The following KAT6A variants were observed in gnomAD, a reference collection of about 807,000 sequenced individuals.
KAT6A encodes the protein histone acetyltransferase KAT6A.
KAT6A carries 9 observed loss-of-function variants against 198.4 expected under a neutral mutation model. The ratio of observed to expected loss-of-function variants is 0.05; its 90% CI spans 0.03 to 0.08. The LOEUF is 0.08. Among genes scored for constraint, KAT6A ranks in the 10% least tolerant of loss-of-function variants. The pLI is 1.00. For synonymous variants in KAT6A, 890 were observed against 883.0 expected (o/e 1.01, Z -0.14); for missense variants, 2,077 against 2,509.9 (o/e 0.83, Z 3.69).
At chr8:42,042,924 G>A (rs1326023972) in intron 2 of KAT6A, among the ~76,000 whole-genome samples, 3 of 152,094 alleles carry the variant, frequency 2.0e-5, no homozygotes, top group East Asian at 1.9e-4. Context: ...ATTCTTGAAA[G>A]GAAATTGAAT....
At chr8:42,040,757 A>AAAAAAAG (rs1564083602) in intron 2 of KAT6A, among the ~76,000 whole-genome samples, 4 of 149,650 alleles carry the variant, frequency 2.7e-5, no homozygotes, top group South Asian at 4.3e-4. Context: ...AAAAAAAAAA[A>AAAAAAAG]AAAGAAAGAA....
At chr8:42,004,168 G>A (rs1825629632) in intron 2 of KAT6A, among the ~76,000 whole-genome samples, 1 of 152,070 alleles carries the variant, frequency 6.6e-6, no homozygotes, top group Non-Finnish European at 1.5e-5. Flanking sequence ...CCCTGCTGCT[G>A]GGTCTTATGA....
At chr8:41,966,628 C>G (rs1267134384) in intron 8 of KAT6A, among the ~76,000 whole-genome samples, 2 of 152,122 alleles carry the variant, frequency 1.3e-5, no homozygotes, top group Non-Finnish European at 2.9e-5. Flanking sequence ...GTGATCATCT[C>G]AGGTTGCGCC....
rs1460271545 is a variant in KAT6A at position 41,934,508 on chromosome 8, C to T, written c.3712G>A (p.Glu1238Lys). 1 of 1,613,192 alleles carries T rather than the reference C, an allele frequency of 6.2e-7. No homozygotes were observed. The highest frequency in any genetic ancestry group is 8.5e-7 in the Non-Finnish European group (1 of 1,179,618). Residue 1238 changes from glutamate (E) to lysine (K), a missense_variant, in exon 17 of 17, where the codon GAG (glutamate) becomes AAG (lysine). Physicochemically the swap from Glu to Lys is moderately conservative, Grantham distance 56. This residue lies in a region of KAT6A where 375 missense variants were observed against 383.0 expected (regional missense o/e 0.98). Transcript: ENST00000265713. ...EMQAEAEEAE[E>K]GEEEDAASSE... ...CTGGCTGCATCCTCTTCCTCACCCT[C>T]TTCAGCCTCTTCTGCCTCTGCTTGC... is the stretch of plus-strand genomic sequence containing the variant.
chr8:42,045,174 C>A (rs1230604155), intron 2 of KAT6A, among the ~76,000 whole-genome samples: 2 of 152,154 alleles, frequency 1.3e-5, no homozygotes, highest in Non-Finnish European at 2.9e-5. Context: ...TGAATAGATA[C>A]TATCATGAAA....
chr8:41,980,557 G>C (rs545137512), intron 5 of KAT6A, among the ~76,000 whole-genome samples: 161 of 152,208 alleles, frequency 1.1e-3, no homozygotes, highest in Non-Finnish European at 1.8e-3. Context: ...TTTAAGGCAA[G>C]TATTTTATCT....
At chr8:41,976,376 C>T (rs1447446592) in intron 7 of KAT6A, among the ~76,000 whole-genome samples, 6 of 152,194 alleles carry the variant, frequency 3.9e-5, no homozygotes, top group Non-Finnish European at 5.9e-5. Context: ...TCAAATTCTT[C>T]TCCTCTGACT....
chr8:41,950,199 T>C (rs1822596243), intron 9 of KAT6A, among the ~76,000 whole-genome samples: 1 of 152,204 alleles, frequency 6.6e-6, no homozygotes, highest in Admixed American at 6.5e-5. Context: ...TTCCACTGCA[T>C]TCTGCCTCAA....
chr8:41,933,114 C>A lies in KAT6A; in HGVS notation c.5106G>T (p.Leu1702=). 6.4e-7 allele frequency: 1 copy of A among 1,564,610 alleles called. No homozygotes were observed. The highest frequency in any genetic ancestry group is 8.7e-7 in the Non-Finnish European group (1 of 1,153,556). ...AACTGTTATTCATACTACACTGTGA[C>A]AGCGGGGGCTGCTGCTGGGGAGGGG... ...PPPPPQQQPP[L]SQCSMNNSFT... The change falls in exon 17 of 17, where the codon CTG becomes CTT. Residue 1702 remains leucine, a synonymous_variant. Transcript: ENST00000265713. This position sits in a 1 kb window ranked among gnomAD's most constrained non-coding sequence, Gnocchi z 6.2.
At chr8:41,956,687 A>C (rs531008232) in intron 8 of KAT6A, among the ~76,000 whole-genome samples, 9 of 152,212 alleles carry the variant, frequency 5.9e-5, no homozygotes, top group Non-Finnish European at 1.2e-4. Context: ...TAGACACCTC[A>C]AAACAAAAGA....
At chr8:41,938,738 GAGTTCA>G (rs1821964566) in intron 15 of KAT6A, among the ~76,000 whole-genome samples, 1 of 152,102 alleles carries the variant, frequency 6.6e-6, no homozygotes, top group Non-Finnish European at 1.5e-5. Flanking sequence ...CCAAGCTCAG[GAGTTCA>G]AGACCAGCCT....
At chr8:41,998,589 C>G (rs770392934) in intron 2 of KAT6A, among the ~76,000 whole-genome samples, 4 of 152,018 alleles carry the variant, frequency 2.6e-5, no homozygotes, top group Admixed American at 6.5e-5. Flanking sequence ...TTCACCTATG[C>G]CTTGCACTTA....
chr8:42,039,366 C>G (rs1415589293), intron 2 of KAT6A, among the ~76,000 whole-genome samples: 1 of 152,146 alleles, frequency 6.6e-6, no homozygotes, highest in Non-Finnish European at 1.5e-5. Flanking sequence ...TCTATTTAAA[C>G]CAGCAAACTC....
chr8:41,987,528 A>C lies in KAT6A; in HGVS notation c.636T>G (p.Cys212Trp). The part of the protein sequence containing the change: ...VAEPIPICSF[C>W]LGTKEQNREK... ...CTCGGTTTTGTTCTTTTGTACCAAG[A>C]CAGAAACTACAGATGGGGATTGGTT... Residue 212 changes from cysteine to tryptophan, a missense_variant, in exon 3 of 17, where the codon TGT (cysteine) becomes TGG (tryptophan). Physicochemically the swap from Cys to Trp is radical, Grantham distance 215. Coordinates refer to ENST00000265713, the MANE Select transcript of KAT6A (RefSeq NM_006766.5). 1 of 1,613,492 alleles carries C rather than the reference A, an allele frequency of 6.2e-7. No homozygotes were observed. Among genetic ancestry groups the C allele is most frequent in the Non-Finnish European group, 8.5e-7 (1 of 1,179,400 alleles).
chr8:41,990,960 A>C (rs968955033), intron 2 of KAT6A, among the ~76,000 whole-genome samples: 4 of 129,996 alleles, frequency 3.1e-5, no homozygotes, highest in Non-Finnish European at 4.6e-5. Context: ...GTGCCATTGC[A>C]CTCCAGCCTG....
intron 2 of KAT6A, among the ~76,000 whole-genome samples, chr8:42,040,754 A>G (rs1279221918): frequency 6.8e-6 from 1 of 147,286 alleles, no homozygotes; most frequent in Admixed American, 6.7e-5. Flanking sequence ...AAAAAAAAAA[A>G]AAAAAAGAAA....
intron 2 of KAT6A, among the ~76,000 whole-genome samples, chr8:42,020,464 T>C (rs920264418): frequency 2.0e-5 from 3 of 152,212 alleles, no homozygotes; most frequent in African/African-American, 7.2e-5. Context: ...CCCTGGACTT[T>C]CCCATCACCA....
rs1348145336 is a variant in KAT6A at position 41,933,679 on chromosome 8, G to C, written c.4541C>G (p.Pro1514Arg). ...GGGTGCGGACAGGGATCCTTGTTCT[G>C]GGCTGATCTGGGTGTAGCCACTCTC... ...ALESGYTQIS[P>R]EQGSLSAPSM... Residue 1514 changes from proline (P) to arginine (R), a missense_variant, in exon 17 of 17, where the codon CCA becomes CGA. Around this residue, in one of 13 missense-constraint regions of KAT6A, gnomAD observed 178 missense variants for 220.8 expected, o/e 0.81. Coordinates refer to ENST00000265713, the MANE Select transcript of KAT6A (RefSeq NM_006766.5). This position sits in a 1 kb window ranked among gnomAD's most constrained non-coding sequence, Gnocchi z 6.2. 5 of 1,614,106 alleles carry C rather than the reference G, an allele frequency of 3.1e-6. No homozygotes were observed. Among genetic ancestry groups the C allele is most frequent in the Non-Finnish European group, 4.2e-6 (5 of 1,180,022 alleles).
intron 2 of KAT6A, among the ~76,000 whole-genome samples, chr8:42,022,767 T>A (rs978526910): frequency 2.0e-5 from 3 of 152,042 alleles, no homozygotes; most frequent in Non-Finnish European, 2.9e-5. Flanking sequence ...GCACTATTTG[T>A]CATCACAAAA....
Sources: gnomAD v4.1 joint callset for allele counts (sites outside exome capture counted in the v4.1 genomes callset) on GRCh38, gnomAD v4.1.1 for gene constraint, gnomAD v4.1.1 regional missense constraint, Gnocchi (gnomAD v3.1) non-coding constraint, MANE v1.5 for transcripts, NCBI Gene and HGNC (gene_info 2026-07-23, HGNC 2026-07-21) for gene names.